SLC14A2: variants seen among roughly 807,000 people sequenced by gnomAD.
The protein encoded by SLC14A2 is urea transporter 2.
A neutral mutation model predicts 104.6 loss-of-function variants in SLC14A2; 91 were observed. That is an observed-to-expected ratio of 0.87 (90% CI 0.73 to 1.04). SLC14A2 has a LOEUF of 1.04. Ranked by LOEUF, SLC14A2 falls within the 50% of genes least tolerant of loss-of-function variation. The pLI, the probability that SLC14A2 is intolerant of heterozygous loss-of-function variation, is 0.00. For missense variants in SLC14A2, 1,189 were observed against 1,156.0 expected (o/e 1.03, Z -0.41); for synonymous variants, 476 against 466.4 (o/e 1.02, Z -0.27).
At chr18:45,282,787 C>A (rs932463600) in intron 1 of SLC14A2, among the ~76,000 whole-genome samples, 2 of 152,070 alleles carry the variant, frequency 1.3e-5, no homozygotes, top group Non-Finnish European at 2.9e-5. Context: ...GTTTGGTTTG[C>A]TCTAATTTAT....
intron 1 of SLC14A2, among the ~76,000 whole-genome samples, chr18:45,224,919 A>C (rs142869651): frequency 8.4e-4 from 128 of 152,164 alleles, no homozygotes; most frequent in African/African-American, 3.0e-3. Context: ...AGATTGTAAA[A>C]ATTTTCTCCC....
intron 1 of SLC14A2, among the ~76,000 whole-genome samples, chr18:45,311,809 G>T (rs555822121): frequency 1.3e-5 from 2 of 152,352 alleles, no homozygotes; most frequent in South Asian, 4.1e-4. Flanking sequence ...GGACTGATCT[G>T]TGTGATTCTT....
At chr18:45,481,301 G>A (rs904693049) in intron 1 of SLC14A2, among the ~76,000 whole-genome samples, 1 of 151,846 alleles carries the variant, frequency 6.6e-6, no homozygotes, top group Non-Finnish European at 1.5e-5. Flanking sequence ...AATGACTTCA[G>A]GTCTTGTGTC....
At position 45,377,150 on chromosome 18, in the gene SLC14A2, C is replaced by T. The variant is rs149916547; in HGVS notation, c.-124-106083C>T. Among the ~76,000 whole-genome samples, 3 of 152,264 alleles carry T rather than the reference C, an allele frequency of 2.0e-5. No homozygotes were observed. In the East Asian group the frequency reaches 5.8e-4, roughly 29 times the overall value. The stretch of plus-strand genomic sequence containing the variant: ...CAAAATCAGAAGCCATTTCTCATTC[C>T]TGGTCCTGTGTGACCTCTACTGCTG... On this transcript the variant is annotated intron_variant, in intron 1 of 20. Coordinates refer to the SLC14A2 transcript ENST00000586448.
chr18:45,227,192 T>C (rs192947862), intron 1 of SLC14A2, among the ~76,000 whole-genome samples: 1 of 152,246 alleles, frequency 6.6e-6, no homozygotes, highest in Admixed American at 6.5e-5. Flanking sequence ...AAAGACAGGC[T>C]GAGGAATGCA....
intron 1 of SLC14A2, among the ~76,000 whole-genome samples, chr18:45,264,870 C>G (rs2084576180): frequency 6.6e-6 from 1 of 152,110 alleles, no homozygotes; most frequent in African/African-American, 2.4e-5. Flanking sequence ...TTTTGAAAAA[C>G]AGAAACTTAC....
chr18:45,593,272 G>A (rs980643128), intron 2 of SLC14A2, among the ~76,000 whole-genome samples: 3 of 151,008 alleles, frequency 2.0e-5, no homozygotes, highest in South Asian at 2.1e-4. Flanking sequence ...AGCCGAGATC[G>A]CTCCACGGCA....
intron 1 of SLC14A2, among the ~76,000 whole-genome samples, chr18:45,343,199 C>T (rs1410723760): frequency 6.7e-6 from 1 of 150,240 alleles, no homozygotes; most frequent in Non-Finnish European, 1.5e-5. Flanking sequence ...CCAAGGGAAG[C>T]TCCTCAAAGT....
intron 1 of SLC14A2, among the ~76,000 whole-genome samples, chr18:45,243,432 C>T (rs1268569708): frequency 6.6e-6 from 1 of 152,158 alleles, no homozygotes; most frequent in East Asian, 1.9e-4. Context: ...AATCAGACCT[C>T]TATGACCTCA....
chr18:45,331,069 C>T (rs1410922335), intron 1 of SLC14A2, among the ~76,000 whole-genome samples: 1 of 152,174 alleles, frequency 6.6e-6, no homozygotes, highest in Non-Finnish European at 1.5e-5. Context: ...GCCCCAAATT[C>T]TGTAAGACTT....
At chr18:45,628,056 T>G (rs2045289145) in intron 4 of SLC14A2, among the ~76,000 whole-genome samples, 1 of 151,742 alleles carries the variant, frequency 6.6e-6, no homozygotes, top group Admixed American at 6.6e-5. Context: ...AACTTGCATT[T>G]TGTAGAACTT....
chr18:45,427,241 T>C lies in SLC14A2; in HGVS notation c.-124-55992T>C, dbSNP rs574092499. Among the ~76,000 whole-genome samples the C allele has an allele frequency of 3.3e-5, 5 of 150,282 alleles. No homozygotes were observed. The South Asian group carries it at 1.1e-3, about 32-fold the overall frequency. On this transcript the variant is annotated intron_variant, in intron 1 of 20. Coordinates refer to the SLC14A2 transcript ENST00000586448. ...CATGGAGAAAGCTGTTGAATTCTTC[T>C]ATTAGTAGGGTTAGAAAAGAAAGGG...
At chr18:45,191,048 C>T in the SLC14A2 span, among the ~76,000 whole-genome samples, 2 of 152,122 alleles carry the variant, frequency 1.3e-5, no homozygotes, top group Non-Finnish European at 2.9e-5. Flanking sequence ...AATGGGGAGA[C>T]AGGAGGACAG....
chr18:45,289,781 A>T (rs986366517), intron 1 of SLC14A2, among the ~76,000 whole-genome samples: 1 of 152,136 alleles, frequency 6.6e-6, no homozygotes, highest in African/African-American at 2.4e-5. Context: ...GTCCTATAAG[A>T]AGTGCCAATG....
the SLC14A2 span, among the ~76,000 whole-genome samples, chr18:45,180,659 A>G: frequency 6.6e-6 from 1 of 152,168 alleles, no homozygotes; most frequent in African/African-American, 2.4e-5. Flanking sequence ...TAATAAAACC[A>G]TGCTAAATCC....
At chr18:45,609,069 C>T (rs927757758) in intron 2 of SLC14A2, among the ~76,000 whole-genome samples, 2 of 152,154 alleles carry the variant, frequency 1.3e-5, no homozygotes, top group Non-Finnish European at 2.9e-5. Context: ...AGAAGCCCCA[C>T]CAGGGAGTCT....
chr18:45,495,115 ACT>A (rs759108097), intron 2 of SLC14A2, among the ~76,000 whole-genome samples: 5 of 151,210 alleles, frequency 3.3e-5, no homozygotes, highest in Non-Finnish European at 7.4e-5. Flanking sequence ...ATCCTGTCTG[ACT>A]CTCTCTCTCG....
rs67864793 is a variant in SLC14A2 at position 45,250,755 on chromosome 18, C to CTTTTTTTTTTTTTTTTT, written c.-125+37569_-125+37585dup. ...GAATCCTCTGGCTAGTGGCTTCTTC[C>CTTTTTTTTTTTTTTTTT]TTTTTTTTTTTTTTTTTTTTTGGCT... On this transcript the variant is annotated intron_variant, in intron 1 of 20. Coordinates refer to the SLC14A2 transcript ENST00000586448. Among the ~76,000 whole-genome samples, 38 of 93,886 alleles carry CTTTTTTTTTTTTTTTTT rather than the reference C, an allele frequency of 4.0e-4. 1 individual carries two copies. Among genetic ancestry groups the CTTTTTTTTTTTTTTTTT allele is most frequent in the African/African-American group, 1.6e-3 (37 of 22,934 alleles). 61.6% of individuals were successfully genotyped at this position (93,886 alleles called of 152,430 possible). A position where few individuals can be genotyped will look rare whatever the true frequency, so the allele number is the denominator to read the frequency against.
the SLC14A2 span, among the ~76,000 whole-genome samples, chr18:45,206,814 T>A: frequency 6.6e-6 from 1 of 152,092 alleles, no homozygotes; most frequent in East Asian, 1.9e-4. Context: ...GCTGACTTGA[T>A]CCATTAACAG....
Sources: gnomAD v4.1 joint callset for allele counts (sites outside exome capture counted in the v4.1 genomes callset) on GRCh38, gnomAD v4.1.1 for gene constraint, MANE v1.5 for transcripts, NCBI Gene and HGNC (gene_info 2026-07-23, HGNC 2026-07-21) for gene names.